PCDHGB2: variants seen among roughly 807,000 people sequenced by gnomAD.
The protein encoded by PCDHGB2 is protocadherin gamma-B2.
Under a neutral mutation model 59.3 loss-of-function variants are expected in PCDHGB2, and 55 were observed. The observed-to-expected ratio is 0.93, with a 90% CI of 0.75 to 1.16. The LOEUF (loss-of-function observed/expected upper bound fraction) is 1.16, where lower values mean the gene tolerates loss of function less well. PCDHGB2 is among the 50% of genes most tolerant of loss of function. The pLI is 0.00. For missense variants in PCDHGB2, 1,228 were observed against 1,198.5 expected, an observed-to-expected ratio of 1.02 and a Z score of -0.36; for synonymous variants, 516 against 512.0, an observed-to-expected ratio of 1.01 and a Z score of -0.11.
Position 141,415,739 on chromosome 5 carries a change from GGTTTT to G in PCDHGB2, c.2421+53184_2421+53188del, listed in dbSNP as rs2095909931. ...ATGAGTAGAATTTGATGTTTATTAA[GGTTTT>G]TTTTTTTTTTTTTTTTTTTTTTTTT... On this transcript the variant is annotated intron_variant, in intron 1 of 3. Transcript: ENST00000522605. 124 of 435,052 alleles carry G rather than the reference GGTTTT, an allele frequency of 2.9e-4. No homozygotes were observed. The African/African-American group carries it at 3.6e-3, about 13-fold the overall frequency. 26.9% of individuals were successfully genotyped at this position (435,052 alleles called of 1,614,324 possible).
intron 1 of PCDHGB2, chr5:141,413,448 G>A (rs781717265): frequency 3.1e-6 from 5 of 1,614,122 alleles, no homozygotes; most frequent in Non-Finnish European, 4.2e-6. Context: ...TGATCACCGC[G>A]GGCAGGATAG....
chr5:141,450,278 G>C (rs977381598), intron 1 of PCDHGB2, among the ~76,000 whole-genome samples: 1 of 152,026 alleles, frequency 6.6e-6, no homozygotes, highest in African/African-American at 2.4e-5. Flanking sequence ...TCAGCTAAGT[G>C]CTGGGATTAC....
In PCDHGB2 at chr5:141,375,141, G is replaced by A. The variant is rs745587842; in HGVS notation, c.2421+12585G>A. Reference sequence around the variant, plus strand: ...CCAGAAGTGGTTGTTACATCTGGAAGCAGAACAATTGCTGAAAGTGCACCT... The same window carrying A: ...CCAGAAGTGGTTGTTACATCTGGAAACAGAACAATTGCTGAAAGTGCACCT... On this transcript the variant is annotated intron_variant, in intron 1 of 3. Transcript: ENST00000522605. The A allele has an allele frequency of 1.9e-6, 3 of 1,613,962 alleles. No individual in the cohort carries two copies. Among genetic ancestry groups the A allele is most frequent in the Admixed American group, 1.7e-5 (1 of 60,032 alleles).
chr5:141,366,333 T>A lies in PCDHGB2; in HGVS notation c.2421+3777T>A, dbSNP rs190728090. ...GTCACCGTTGCCGTGGCCGACAGGA[T>A]CCCTGACATCCTGGCTGACCTAGGC... On this transcript the variant is annotated intron_variant, in intron 1 of 3. Transcript: ENST00000522605. 44 of 1,613,876 alleles carry A rather than the reference T, an allele frequency of 2.7e-5. No homozygotes were observed. The East Asian group carries it at 9.6e-4, about 35-fold the overall frequency.
chr5:141,410,835 T>C (rs1360836957), intron 1 of PCDHGB2: 2 of 490,228 alleles, frequency 4.1e-6, no homozygotes, highest in Admixed American at 4.0e-5. Context: ...AGACTGAAGA[T>C]ATTTTGTCTT....
intron 1 of PCDHGB2, chr5:141,385,218 C>G (rs765263628): frequency 6.2e-7 from 1 of 1,614,234 alleles, no homozygotes; most frequent in South Asian, 1.1e-5. Flanking sequence ...TCCCCCAGCC[C>G]AACTATGTAG....
At chr5:141,414,198 A>G (rs1561747621) in intron 1 of PCDHGB2, 2 of 1,611,542 alleles carry the variant, frequency 1.2e-6, no homozygotes, top group Non-Finnish European at 1.7e-6. Flanking sequence ...TGATTACAGT[A>G]GAAGATGTAA....
intron 2 of PCDHGB2, among the ~76,000 whole-genome samples, chr5:141,500,311 C>T (rs2099799036): frequency 2.0e-5 from 3 of 152,072 alleles, no homozygotes; most frequent in African/African-American, 7.2e-5. Context: ...CAGGTTCACG[C>T]CATGCTCCTG....
At position 141,476,645 on chromosome 5, in the gene PCDHGB2, A is replaced by G. The variant is rs150444699; in HGVS notation, c.2422-18162A>G. The G allele has an allele frequency of 1.2e-4, 199 of 1,614,128 alleles. No homozygotes were observed. Among genetic ancestry groups the G allele is most frequent in the Non-Finnish European group, 1.6e-4 (194 of 1,180,060 alleles). ...TTTACAAACCTATGAGCTGAGCCGA[A>G]ATGAATACTTTGCGCTTCGCGTGCA... On this transcript the variant is annotated intron_variant, in intron 1 of 3. Transcript: ENST00000522605. The surrounding 1 kb of genome is among the most constrained non-coding windows in gnomAD (Gnocchi z 7.6).
intron 1 of PCDHGB2, among the ~76,000 whole-genome samples, chr5:141,472,555 A>T (rs1360460094): frequency 6.6e-6 from 1 of 152,024 alleles, no homozygotes; most frequent in South Asian, 2.1e-4. Flanking sequence ...AAAAAAAATT[A>T]TATTATAAAT....
chr5:141,361,013 A>T lies in PCDHGB2; in HGVS notation c.878A>T (p.Asn293Ile). 1 of 1,613,268 alleles carries T rather than the reference A, an allele frequency of 6.2e-7. No homozygotes were observed. Among genetic ancestry groups the T allele is most frequent in the Non-Finnish European group, 8.5e-7 (1 of 1,179,478 alleles). Residue 293 changes from asparagine (N) to isoleucine (I), a missense_variant, in exon 1 of 4, where the codon AAC becomes ATC. Asn to Ile is a moderately radical substitution (Grantham distance 149). Transcript: ENST00000522605. ...GACGAACAAGTGAAACACTTTTTCAACTTAAATGAAAAAACAGGAGAAATC... is the reference window on the plus strand; with the variant it reads ...GACGAACAAGTGAAACACTTTTTCATCTTAAATGAAAAAACAGGAGAAATC... ...NVDEQVKHFF[N>I]LNEKTGEITT...
At position 141,431,968 on chromosome 5, in the gene PCDHGB2, T is replaced by A. The variant is rs571981127; in HGVS notation, c.2422-62839T>A. On this transcript the variant is annotated intron_variant, in intron 1 of 3. Coordinates refer to ENST00000522605, the MANE Select transcript of PCDHGB2 (RefSeq NM_018923.3). The surrounding 1 kb of genome is among the most constrained non-coding windows in gnomAD (Gnocchi z 4.8). Reference sequence around the variant, plus strand: ...AAAAATCTTACGGAAATTACTATAGTTTAGTCACAGACATAGTCTTGGATA... The same window carrying A: ...AAAAATCTTACGGAAATTACTATAGATTAGTCACAGACATAGTCTTGGATA... 1.9e-6 allele frequency: 3 copies of A among 1,614,072 alleles called. No individual in the cohort carries two copies. Among genetic ancestry groups the A allele is most frequent in the Non-Finnish European group, 2.5e-6 (3 of 1,180,014 alleles).
At position 141,366,500 on chromosome 5, in the gene PCDHGB2, C is replaced by T. The variant is rs538032302; in HGVS notation, c.2421+3944C>T. The T allele has an allele frequency of 1.5e-5, 24 of 1,614,276 alleles. No homozygotes were observed. In the South Asian group the frequency reaches 2.3e-4, roughly 16 times the overall value. On this transcript the variant is annotated intron_variant, in intron 1 of 3. Coordinates refer to ENST00000522605, the MANE Select transcript of PCDHGB2 (RefSeq NM_018923.3). The stretch of plus-strand genomic sequence containing the variant: ...ACTGAGGCGCTGGCACAAGTCACGC[C>T]TGCTTCAGGCTGAAGGCAGCAGGTT...
chr5:141,384,576 G>C (rs757254740), intron 1 of PCDHGB2: 3 of 1,614,178 alleles, frequency 1.9e-6, no homozygotes, highest in Admixed American at 1.7e-5. Flanking sequence ...ATGACAACCC[G>C]CCCGAGATCC....
rs764434052 is a variant in PCDHGB2, at chr5:141,431,792, C to T, written c.2422-63015C>T. ...TGTTCTGGACGTGAACGACAATGCC[C>T]CAGAAGTGGTCCTCACCTCTCTCGC... is the stretch of plus-strand genomic sequence containing the variant. On this transcript the variant is annotated intron_variant, in intron 1 of 3. Transcript: ENST00000522605. This position sits in a 1 kb window ranked among gnomAD's most constrained non-coding sequence, Gnocchi z 4.8. The T allele has an allele frequency of 3.7e-6, 6 of 1,614,234 alleles. No homozygotes were observed. The South Asian group carries it at 6.6e-5, about 18-fold the overall frequency.
Position 141,491,013 on chromosome 5 carries a change from G to C in PCDHGB2, c.2422-3794G>C. ...CTCCTCCTGGCTCCTTGGTCACCAA[G>C]GTGACAGCCGTGGATGCTGATGCAG... On this transcript the variant is annotated intron_variant, in intron 1 of 3. Transcript: ENST00000522605. The surrounding 1 kb of genome is among the most constrained non-coding windows in gnomAD (Gnocchi z 6.9). 6.2e-7 allele frequency: 1 copy of C among 1,614,144 alleles called. No homozygotes were observed. Among genetic ancestry groups the C allele is most frequent in the Non-Finnish European group, 8.5e-7 (1 of 1,180,040 alleles).
Position 141,485,616 on chromosome 5 carries a change from C to T in PCDHGB2, c.2422-9191C>T. On this transcript the variant is annotated intron_variant, in intron 1 of 3. Coordinates refer to ENST00000522605, the MANE Select transcript of PCDHGB2 (RefSeq NM_018923.3). This position sits in a 1 kb window ranked among gnomAD's most constrained non-coding sequence, Gnocchi z 5.7. ...TTGGAAATTGGGGAGGCAGCTCCTCCAGGACAGCGTTTCCCGTTGGAAAAG... is the reference window on the plus strand; with the variant it reads ...TTGGAAATTGGGGAGGCAGCTCCTCTAGGACAGCGTTTCCCGTTGGAAAAG... 1 of 1,612,210 alleles carries T rather than the reference C, an allele frequency of 6.2e-7. No individual in the cohort carries two copies.
intron 1 of PCDHGB2, among the ~76,000 whole-genome samples, chr5:141,462,023 A>T (rs927945421): frequency 1.3e-5 from 2 of 152,112 alleles, no homozygotes; most frequent in African/African-American, 4.8e-5. Flanking sequence ...GGGTTTCTTC[A>T]TGTTGGTCAG....
In PCDHGB2 at chr5:141,450,032, G is replaced by A. The variant is rs146567243; in HGVS notation, c.2422-44775G>A. Among the ~76,000 whole-genome samples the A allele has an allele frequency of 4.6e-3, 607 of 131,666 alleles. 4 individuals are homozygous for A. The highest frequency in any genetic ancestry group is 0.017 in the African/African-American group (550 of 33,158). The allele number at this position is 131,666 out of a possible 152,430, so 86.4% of individuals were successfully genotyped here. A position where few individuals can be genotyped will look rare whatever the true frequency, so the allele number is the denominator to read the frequency against. On this transcript the variant is annotated intron_variant, in intron 1 of 3. Transcript: ENST00000522605. ...TTTTTTTTTTTTTTTTTTGAGACAG[G>A]GTCTCACTCTTTCGCCCAGGCTGGA... is the stretch of plus-strand genomic sequence containing the variant.
Sources: allele counts gnomAD v4.1 joint callset (sites outside exome capture counted in the v4.1 genomes callset), GRCh38; gene constraint gnomAD v4.1.1; non-coding constraint Gnocchi (gnomAD v3.1); transcripts MANE v1.5; gene names NCBI Gene and HGNC (gene_info 2026-07-23, HGNC 2026-07-21).